GRIN2A: variants seen among roughly 807,000 people sequenced by gnomAD.
GRIN2A encodes glutamate receptor ionotropic, NMDA 2A.
Under a neutral mutation model 113.4 loss-of-function variants are expected in GRIN2A, and 22 were observed. The observed-to-expected ratio is 0.19, with a 90% CI of 0.14 to 0.28. The LOEUF is 0.28. Ranked by LOEUF, GRIN2A falls within the 10% of genes least tolerant of loss-of-function variation. The pLI, the probability that GRIN2A is intolerant of heterozygous loss-of-function variation, is 1.00. For missense variants in GRIN2A, 1,502 were observed against 1,887.0 expected (o/e 0.80, Z 3.78); for synonymous variants, 827 against 738.4 (o/e 1.12, Z -1.94).
chr16:9,900,455 T>C (rs1320632870), intron 3 of GRIN2A, among the ~76,000 whole-genome samples: 2 of 152,186 alleles, frequency 1.3e-5, no homozygotes, highest in Non-Finnish European at 2.9e-5. Context: ...CTGTCTTTTG[T>C]AATACAACCG....
intron 2 of GRIN2A, among the ~76,000 whole-genome samples, chr16:10,123,559 T>C (rs4454974): frequency 0.18 from 27,448 of 152,128 alleles, 3,144 homozygotes; most frequent in East Asian, 0.41. Flanking sequence ...TTTATATTCA[T>C]AGAATTTCTG....
chr16:10,109,672 T>C (rs1460031045), intron 2 of GRIN2A, among the ~76,000 whole-genome samples: 1 of 151,566 alleles, frequency 6.6e-6, no homozygotes, highest in African/African-American at 2.4e-5. Flanking sequence ...AGACCTACCA[T>C]TTAATAAATG....
Position 9,939,599 on chromosome 16 carries a change from A to G in GRIN2A, c.415-1048T>C, listed in dbSNP as rs140162784. Among the ~76,000 whole-genome samples, 463 of 152,236 alleles carry G rather than the reference A, an allele frequency of 3.0e-3. 2 individuals carry two copies. Among genetic ancestry groups the G allele is most frequent in the African/African-American group, 0.01 (427 of 41,548 alleles). On this transcript the variant is annotated intron_variant, in intron 2 of 12. Transcript: ENST00000330684. ...TATACAAACTGCCTTCATACCCCCT[A>G]ACTCATCAAATCCCCATAATGATCC...
rs1455995682 is a variant in GRIN2A at position 9,762,949 on chromosome 16, C to T, written c.*200G>A. ...TCACCTATCTGGTGTCTGCCATGCT[C>T]AGCACACACCTCACAAGATTCCTTG... On this transcript the variant is annotated 3_prime_UTR_variant, in exon 13 of 13. Transcript: ENST00000330684. 6.4e-6 allele frequency: 4 copies of T among 624,364 alleles called. No homozygotes were observed. The highest frequency in any genetic ancestry group is 5.5e-5 in the African/African-American group (3 of 54,336). 38.7% of individuals were successfully genotyped at this position (624,364 alleles called of 1,614,324 possible). A position where few individuals can be genotyped will look rare whatever the true frequency, so the allele number is the denominator to read the frequency against.
chr16:9,910,327 A>C (rs183021533), intron 3 of GRIN2A, among the ~76,000 whole-genome samples: 21 of 151,960 alleles, frequency 1.4e-4, no homozygotes, highest in African/African-American at 4.6e-4. Context: ...CCACTGAATT[A>C]TACAGTTTAA....
In GRIN2A at chr16:10,180,339, C is replaced by T. The variant is rs2050240989; in HGVS notation, c.73G>A (p.Ala25Thr). 3 of 1,608,598 alleles carry T rather than the reference C, an allele frequency of 1.9e-6. No homozygotes were observed. Among genetic ancestry groups the T allele is most frequent in the Non-Finnish European group, 2.5e-6 (3 of 1,179,856 alleles). ...GCGGGGGGACCCTTCTCCGCCGCCG[C>T]GCTCGGCGCCGGACCGCGCCAGACC... Reference protein sequence around the residue: ...LLVWRGPAPSAAAEKGPPALN... With the variant: ...LLVWRGPAPSTAAEKGPPALN... The change falls in exon 2 of 13, where the codon GCG (alanine) becomes ACG (threonine). Residue 25 changes from alanine (A) to threonine (T), a missense_variant. Around this residue, in one of 7 missense-constraint regions of GRIN2A, gnomAD observed 149 missense variants for 179.1 expected, o/e 0.83. Transcript: ENST00000330684. The surrounding 1 kb of genome is among the most constrained non-coding windows in gnomAD (Gnocchi z 7.0).
chr16:10,040,857 A>G (rs939812890), intron 2 of GRIN2A, among the ~76,000 whole-genome samples: 2 of 152,216 alleles, frequency 1.3e-5, no homozygotes, highest in Non-Finnish European at 2.9e-5. Context: ...GGCAGGTCAG[A>G]GCTGTGCCGA....
At chr16:10,071,688 T>C (rs2047752960) in intron 2 of GRIN2A, among the ~76,000 whole-genome samples, 1 of 152,174 alleles carries the variant, frequency 6.6e-6, no homozygotes, top group Non-Finnish European at 1.5e-5. Context: ...GAGCCTGTAC[T>C]CTTGAGAGCA....
intron 2 of GRIN2A, among the ~76,000 whole-genome samples, chr16:10,036,458 T>C (rs1310164337): frequency 0.011 from 711 of 67,556 alleles, 6 homozygotes; most frequent in African/African-American, 0.04. Flanking sequence ...TCTTTTTTTT[T>C]TTTTTTTTTT....
intron 12 of GRIN2A, among the ~76,000 whole-genome samples, chr16:9,765,895 G>C (rs549459178): frequency 6.6e-6 from 1 of 152,280 alleles, no homozygotes; most frequent in African/African-American, 2.4e-5. Flanking sequence ...CCAAATACAA[G>C]CACCTCCATC....
intron 4 of GRIN2A, among the ~76,000 whole-genome samples, chr16:9,865,623 C>T (rs2043148791): frequency 6.6e-6 from 1 of 152,172 alleles, no homozygotes; most frequent in Non-Finnish European, 1.5e-5. Flanking sequence ...AACCAATAAA[C>T]AGAACTATTC....
At chr16:10,074,522 G>T (rs575062553) in intron 2 of GRIN2A, among the ~76,000 whole-genome samples, 5 of 152,280 alleles carry the variant, frequency 3.3e-5, no homozygotes, top group African/African-American at 1.2e-4. Flanking sequence ...GATATGATAT[G>T]GCCATTCAAT....
chr16:10,105,729 A>G (rs2048486783), intron 2 of GRIN2A, among the ~76,000 whole-genome samples: 1 of 152,178 alleles, frequency 6.6e-6, no homozygotes, highest in South Asian at 2.1e-4. Flanking sequence ...CAACACGGTG[A>G]AACCCCATCT....
At chr16:10,181,141 C>G (rs1432419076) in intron 1 of GRIN2A, among the ~76,000 whole-genome samples, 1 of 152,208 alleles carries the variant, frequency 6.6e-6, no homozygotes, top group Non-Finnish European at 1.5e-5. Flanking sequence ...CGCCCCACCT[C>G]GAGCCAAGGG....
intron 4 of GRIN2A, among the ~76,000 whole-genome samples, chr16:9,888,489 T>C (rs1474854532): frequency 6.6e-6 from 1 of 151,762 alleles, no homozygotes; most frequent in African/African-American, 2.4e-5. Flanking sequence ...TTTTTTTCCA[T>C]GTAGATTGCC....
At chr16:9,968,415 G>A (rs918332634) in intron 2 of GRIN2A, among the ~76,000 whole-genome samples, 1 of 152,184 alleles carries the variant, frequency 6.6e-6, no homozygotes, top group Non-Finnish European at 1.5e-5. Context: ...CCGGGTTCAA[G>A]CAATTCTCCT....
chr16:9,980,372 C>T (rs1183321856), intron 2 of GRIN2A, among the ~76,000 whole-genome samples: 4 of 152,012 alleles, frequency 2.6e-5, no homozygotes, highest in African/African-American at 7.2e-5. Flanking sequence ...AATAGGAACA[C>T]TTTTACACTG....
In GRIN2A at chr16:10,010,852, T is replaced by A. The variant is rs556748779; in HGVS notation, c.415-72301A>T. ...ACTGGTCTCTTCACCAGGACTGCTA[T>A]GCTGCACAACTCCAGGGGGCAGCAA... is the stretch of plus-strand genomic sequence containing the variant. On this transcript the variant is annotated intron_variant, in intron 2 of 12. Transcript: ENST00000330684. 6.6e-5 allele frequency among the ~76,000 whole-genome samples: 10 copies of A among 152,324 alleles called. No individual in the cohort carries two copies. The East Asian group carries it at 1.9e-3, about 29-fold the overall frequency.
intron 2 of GRIN2A, among the ~76,000 whole-genome samples, chr16:9,976,527 G>C (rs759740655): frequency 2.0e-5 from 3 of 152,092 alleles, no homozygotes; most frequent in Admixed American, 6.6e-5. Context: ...TTTAAAGTTG[G>C]CGTTTGAAAC....
Sources: allele counts gnomAD v4.1 joint callset (sites outside exome capture counted in the v4.1 genomes callset), GRCh38; gene constraint gnomAD v4.1.1; regional missense constraint gnomAD v4.1.1; non-coding constraint Gnocchi (gnomAD v3.1); transcripts MANE v1.5; gene names NCBI Gene and HGNC (gene_info 2026-07-23, HGNC 2026-07-21).